Variants in LRMDA observed in about 807,000 individuals in gnomAD.
The protein encoded by LRMDA is leucine-rich melanocyte differentiation-associated protein.
A neutral mutation model predicts 29.8 loss-of-function variants in LRMDA; 18 were observed. The observed-to-expected ratio is 0.60, with a 90% CI of 0.42 to 0.90. LRMDA has a LOEUF of 0.90. Ranked by LOEUF, LRMDA falls within the 40% of genes least tolerant of loss-of-function variation. The pLI, the probability that LRMDA is intolerant of heterozygous loss-of-function variation, is 0.00. For missense variants in LRMDA, 273 were observed against 273.9 expected (o/e 1.00, Z 0.02); for synonymous variants, 125 against 109.4 (o/e 1.14, Z -0.89).
chr10:75,872,725 T>C (rs979798304), intron 2 of LRMDA, among the ~76,000 whole-genome samples: 1 of 152,210 alleles, frequency 6.6e-6, no homozygotes, highest in Non-Finnish European at 1.5e-5. Flanking sequence ...TGTTTACCTA[T>C]AAAAATTCTA....
At chr10:75,775,725 A>G (rs1043127321) in intron 2 of LRMDA, among the ~76,000 whole-genome samples, 1 of 152,234 alleles carries the variant, frequency 6.6e-6, no homozygotes, top group Non-Finnish European at 1.5e-5. Flanking sequence ...TCCACAGAGC[A>G]GTCTTCTTGT....
intron 5 of LRMDA, among the ~76,000 whole-genome samples, chr10:76,204,266 C>T (rs1278368688): frequency 6.6e-6 from 1 of 151,146 alleles, no homozygotes; most frequent in Non-Finnish European, 1.5e-5. Context: ...ATGTGCCCAT[C>T]CACCCATCTT....
chr10:75,488,299 A>G (rs1471139171), intron 2 of LRMDA, among the ~76,000 whole-genome samples: 1 of 152,066 alleles, frequency 6.6e-6, no homozygotes, highest in Non-Finnish European at 1.5e-5. Context: ...TCTTTTCCCC[A>G]CCTTTTTGAA....
intron 2 of LRMDA, among the ~76,000 whole-genome samples, chr10:75,601,850 A>C (rs1840890936): frequency 6.6e-6 from 1 of 152,190 alleles, no homozygotes; most frequent in Non-Finnish European, 1.5e-5. Flanking sequence ...AGTATTTGAC[A>C]TAGGGTTTTT....
At chr10:76,503,942 A>T in intron 6 of LRMDA, among the ~76,000 whole-genome samples, 1 of 149,838 alleles carries the variant, frequency 6.7e-6, no homozygotes. Context: ...GGTCTTTCTA[A>T]CTTCTTGATG....
intron 5 of LRMDA, among the ~76,000 whole-genome samples, chr10:76,223,398 G>A (rs1422117083): frequency 1.3e-5 from 2 of 152,096 alleles, no homozygotes; most frequent in Non-Finnish European, 2.9e-5. Context: ...TTTCTCTGAA[G>A]GTGCAAGTAT....
At chr10:76,378,858 C>CTTTTTTTTT (rs144037195) in intron 6 of LRMDA, among the ~76,000 whole-genome samples, 6 of 118,956 alleles carry the variant, frequency 5.0e-5, no homozygotes, top group African/African-American at 6.5e-5. Context: ...CTTTTTTTTT[C>CTTTTTTTTT]TTTTTTTTTT....
At chr10:75,476,633 C>T (rs1347822288) in intron 2 of LRMDA, among the ~76,000 whole-genome samples, 4 of 152,136 alleles carry the variant, frequency 2.6e-5, no homozygotes, top group African/African-American at 9.7e-5. Context: ...ACCTTGGAGC[C>T]AGCAGATGAC....
chr10:76,093,894 T>A (rs1331862088), intron 5 of LRMDA, among the ~76,000 whole-genome samples: 1 of 152,212 alleles, frequency 6.6e-6, no homozygotes, highest in Non-Finnish European at 1.5e-5. Flanking sequence ...AACAGTGGTG[T>A]TGATAGCTCA....
At chr10:75,640,235 A>AT (rs1160678342) in intron 2 of LRMDA, among the ~76,000 whole-genome samples, 5 of 152,078 alleles carry the variant, frequency 3.3e-5, no homozygotes, top group African/African-American at 7.2e-5. Flanking sequence ...ACACAGTCTG[A>AT]TTTTTTTGTT....
At chr10:75,875,067 C>A (rs1015346188) in intron 2 of LRMDA, among the ~76,000 whole-genome samples, 1 of 152,176 alleles carries the variant, frequency 6.6e-6, no homozygotes, top group African/African-American at 2.4e-5. Context: ...TCCACCAGCC[C>A]CTGGATAATG....
intron 2 of LRMDA, among the ~76,000 whole-genome samples, chr10:75,514,153 C>T (rs934543826): frequency 1.4e-5 from 2 of 140,818 alleles, no homozygotes; most frequent in Non-Finnish European, 3.1e-5. Context: ...AAAGGCAGTC[C>T]TCCTTTACCT....
intron 2 of LRMDA, among the ~76,000 whole-genome samples, chr10:75,610,131 T>C (rs372905266): frequency 4.6e-5 from 7 of 152,194 alleles, no homozygotes; most frequent in East Asian, 1.9e-4. Flanking sequence ...ACATGTAACA[T>C]AAAATTTGCC....
chr10:76,209,631 G>T (rs188100819), intron 5 of LRMDA, among the ~76,000 whole-genome samples: 231 of 152,276 alleles, frequency 1.5e-3, no homozygotes, highest in African/African-American at 5.4e-3. Context: ...ATAAGGATTT[G>T]ATCTCTTCTA....
At chr10:75,725,185 T>A (rs1034354166) in intron 2 of LRMDA, among the ~76,000 whole-genome samples, 3 of 152,246 alleles carry the variant, frequency 2.0e-5, no homozygotes, top group Non-Finnish European at 4.4e-5. Flanking sequence ...TTTTGGGAAC[T>A]GGAGAATCCA....
At chr10:75,575,824 C>G (rs552123002) in intron 2 of LRMDA, among the ~76,000 whole-genome samples, 3 of 152,298 alleles carry the variant, frequency 2.0e-5, no homozygotes, top group Non-Finnish European at 4.4e-5. Context: ...ATCATGCACT[C>G]CGGCCCAGAT....
chr10:75,648,691 C>T (rs1395543282), intron 2 of LRMDA, among the ~76,000 whole-genome samples: 1 of 151,906 alleles, frequency 6.6e-6, no homozygotes, highest in African/African-American at 2.4e-5. Flanking sequence ...GCAAACCTGA[C>T]AATTAAGAAA....
chr10:75,821,732 G>A (rs1844163014), intron 2 of LRMDA, among the ~76,000 whole-genome samples: 1 of 151,986 alleles, frequency 6.6e-6, no homozygotes, highest in African/African-American at 2.4e-5. Flanking sequence ...TCACGCCACT[G>A]CACTCCAGCC....
chr10:76,070,073 T>C (rs1278176460), intron 5 of LRMDA, among the ~76,000 whole-genome samples: 1 of 152,224 alleles, frequency 6.6e-6, no homozygotes, highest in Non-Finnish European at 1.5e-5. Context: ...TGTAATGCCT[T>C]CCAAGTCTGT....
Sources: allele counts gnomAD v4.1 joint callset (sites outside exome capture counted in the v4.1 genomes callset), GRCh38; gene constraint gnomAD v4.1.1; transcripts MANE v1.5; gene names NCBI Gene and HGNC (gene_info 2026-07-23, HGNC 2026-07-21).